XIRP2: variants seen among roughly 807,000 people sequenced by gnomAD.
XIRP2 encodes the protein xin actin-binding repeat-containing protein 2.
XIRP2 carries 236 observed loss-of-function variants against 277.0 expected under a neutral mutation model. That is an observed-to-expected ratio of 0.85 (90% CI 0.77 to 0.95). The LOEUF (loss-of-function observed/expected upper bound fraction) is 0.95. Among genes scored for constraint, XIRP2 ranks in the 40% least tolerant of loss-of-function variants. The probability of loss-of-function intolerance (pLI) is 0.00; values close to 1 mark genes in which losing one functional copy is unlikely to be tolerated. For synonymous variants in XIRP2, 1,490 were observed against 1,416.5 expected, an observed-to-expected ratio of 1.05 and a Z score of -1.17; for missense variants, 4,640 against 4,157.5, an observed-to-expected ratio of 1.12 and a Z score of -3.19.
chr2:166,893,721 T>C (rs559631126), intron 1 of XIRP2, among the ~76,000 whole-genome samples: 1 of 152,290 alleles, frequency 6.6e-6, no homozygotes, highest in East Asian at 1.9e-4. Flanking sequence ...GTCAGTGCCA[T>C]TGCCAGTCTT....
At chr2:166,949,628 T>A in intron 2 of XIRP2, among the ~76,000 whole-genome samples, 1 of 152,108 alleles carries the variant, frequency 6.6e-6, no homozygotes, top group Non-Finnish European at 1.5e-5. Context: ...TGTTTCCAGT[T>A]GGTCAAATTT....
chr2:167,248,905 C>T lies in XIRP2; in HGVS notation c.7513C>T (p.Pro2505Ser). The T allele has an allele frequency of 6.2e-7, 1 of 1,613,716 alleles. No homozygotes were observed. Among genetic ancestry groups the T allele is most frequent in the Non-Finnish European group, 8.5e-7 (1 of 1,179,810 alleles). The change falls in exon 9 of 11, where the codon CCA becomes TCA. Residue 2505 changes from proline to serine, a missense_variant. Coordinates refer to ENST00000409195, the MANE Select transcript of XIRP2 (RefSeq NM_152381.6). ...TGCAAACTGTCTCTCACACACAGTT[C>T]CAGGAACTTCAGCACCCAGGAAAAA... is the stretch of plus-strand genomic sequence containing the variant. ...DSANCLSHTV[P>S]GTSAPRKKQI...
intron 3 of XIRP2, among the ~76,000 whole-genome samples, chr2:167,179,472 C>T (rs73025736): frequency 0.099 from 14,946 of 151,542 alleles, 793 homozygotes; most frequent in South Asian, 0.15. Flanking sequence ...AGGGGTGCAC[C>T]ACCACACCTG....
At chr2:167,201,210 GA>G (rs1252374070) in intron 3 of XIRP2, among the ~76,000 whole-genome samples, 3 of 112,092 alleles carry the variant, frequency 2.7e-5, no homozygotes, top group South Asian at 6.3e-4. Context: ...AAGAAAGAAA[GA>G]AAGAAAGAAA....
intron 2 of XIRP2, among the ~76,000 whole-genome samples, chr2:166,948,291 A>G (rs1685935354): frequency 6.6e-6 from 1 of 152,102 alleles, no homozygotes; most frequent in Non-Finnish European, 1.5e-5. Context: ...GATGTTGATA[A>G]TGAGCAGGGC....
Position 166,912,460 on chromosome 2 carries a change from A to G in XIRP2, c.408+8570A>G, listed in dbSNP as rs374094868. ...TCGTGCCATGTTTTTCAGCTCCATC[A>G]GGTCATTTAATGACTTCTCTACTTT... On this transcript the variant is annotated intron_variant, in intron 2 of 10. Transcript: ENST00000409195. Among the ~76,000 whole-genome samples the G allele has an allele frequency of 1.4e-4, 22 of 152,304 alleles. No individual in the cohort carries two copies. The East Asian group carries it at 2.9e-3, about 20-fold the overall frequency.
At chr2:167,082,949 TA>T (rs1293050384) in intron 2 of XIRP2, among the ~76,000 whole-genome samples, 2 of 152,228 alleles carry the variant, frequency 1.3e-5, no homozygotes, top group Admixed American at 6.5e-5. Context: ...TTAGTTTAAT[TA>T]GATCCCGTTT....
At chr2:167,100,275 G>A (rs1690453058) in intron 2 of XIRP2, among the ~76,000 whole-genome samples, 1 of 151,918 alleles carries the variant, frequency 6.6e-6, no homozygotes, top group South Asian at 2.1e-4. Flanking sequence ...GTCTAGAATG[G>A]TTGATTAGTA....
intron 2 of XIRP2, among the ~76,000 whole-genome samples, chr2:166,953,614 C>T (rs1344423806): frequency 1.3e-5 from 2 of 151,826 alleles, no homozygotes; most frequent in Non-Finnish European, 2.9e-5. Flanking sequence ...TCAAAATGGC[C>T]ATGCTCTGGA....
chr2:167,104,383 C>T (rs992453317), intron 2 of XIRP2, among the ~76,000 whole-genome samples: 1 of 152,008 alleles, frequency 6.6e-6, no homozygotes, highest in Non-Finnish European at 1.5e-5. Context: ...ACAATTTTAT[C>T]CCATCCCCCA....
chr2:167,212,435 T>G (rs1694076439), intron 4 of XIRP2, among the ~76,000 whole-genome samples: 1 of 152,228 alleles, frequency 6.6e-6, no homozygotes, highest in African/African-American at 2.4e-5. Context: ...ATGATATATA[T>G]TTATGATGTG....
chr2:167,104,990 C>T (rs894976900), intron 2 of XIRP2, among the ~76,000 whole-genome samples: 7 of 152,046 alleles, frequency 4.6e-5, no homozygotes, highest in Admixed American at 1.3e-4. Flanking sequence ...AATTGCATTT[C>T]AGCTAATTTG....
At chr2:167,150,832 G>A (rs1691996110) in intron 3 of XIRP2, among the ~76,000 whole-genome samples, 1 of 151,886 alleles carries the variant, frequency 6.6e-6, no homozygotes, top group Admixed American at 6.6e-5. Flanking sequence ...ATTTTGTATT[G>A]CAATATAAAC....
intron 2 of XIRP2, among the ~76,000 whole-genome samples, chr2:167,048,297 A>G (rs879341089): frequency 1.3e-5 from 2 of 151,960 alleles, no homozygotes; most frequent in Non-Finnish European, 2.9e-5. Flanking sequence ...AACTCTCTTC[A>G]ATACTATACA....
At chr2:167,028,056 A>T (rs1032072844) in intron 2 of XIRP2, among the ~76,000 whole-genome samples, 1 of 152,140 alleles carries the variant, frequency 6.6e-6, no homozygotes, top group African/African-American at 2.4e-5. Context: ...TCCTTACATT[A>T]ACTCTACTTC....
intron 2 of XIRP2, among the ~76,000 whole-genome samples, chr2:167,009,821 G>A (rs1458548004): frequency 6.6e-6 from 1 of 151,974 alleles, no homozygotes; most frequent in Non-Finnish European, 1.5e-5. Context: ...GCCAGTGACG[G>A]TGAGCATTTC....
Position 166,925,585 on chromosome 2 carries a change from A to ATG in XIRP2, c.408+21699_408+21700dup, listed in dbSNP as rs1470807837. On this transcript the variant is annotated intron_variant, in intron 2 of 10. Coordinates refer to ENST00000409195, the MANE Select transcript of XIRP2 (RefSeq NM_152381.6). Reference sequence around the variant, plus strand: ...TGTGTGTGTATGTATGTGTGTGTGTATGTGTATATACATATATATATATAT... The same window carrying ATG: ...TGTGTGTGTATGTATGTGTGTGTGTATGTGTGTATATACATATATATATATAT... 4.6e-3 allele frequency among the ~76,000 whole-genome samples: 498 copies of ATG among 107,122 alleles called. 3 individuals carry two copies. Among genetic ancestry groups the ATG allele is most frequent in the African/African-American group, 0.018 (464 of 26,460 alleles). The allele number at this position is 107,122 out of a possible 152,430, so 70.3% of individuals were successfully genotyped here.
intron 1 of XIRP2, chr2:166,889,864 C>T (rs1329579893): frequency 1.0e-5 from 1 of 98,040 alleles, no homozygotes; most frequent in African/African-American, 2.9e-5. Flanking sequence ...TCTCCACCTT[C>T]TTCTCCTTGT....
At position 167,257,979 on chromosome 2, in the gene XIRP2, A is replaced by G. The variant is rs549434091; in HGVS notation, c.*162A>G. Reference sequence around the variant, plus strand: ...CATAAGCAGCATAAAGATAGATGGAACTGCAAAAACCAAAGCAGATCAGTG... The same window carrying G: ...CATAAGCAGCATAAAGATAGATGGAGCTGCAAAAACCAAAGCAGATCAGTG... On this transcript the variant is annotated 3_prime_UTR_variant, in exon 11 of 11. Coordinates refer to ENST00000409195, the MANE Select transcript of XIRP2 (RefSeq NM_152381.6). 164 of 1,613,168 alleles carry G rather than the reference A, an allele frequency of 1.0e-4. 2 individuals are homozygous for G. In the South Asian group the frequency reaches 1.7e-3, roughly 17 times the overall value.
Sources: allele counts gnomAD v4.1 joint callset (sites outside exome capture counted in the v4.1 genomes callset), GRCh38; gene constraint gnomAD v4.1.1; transcripts MANE v1.5; gene names NCBI Gene and HGNC (gene_info 2026-07-23, HGNC 2026-07-21).